WDR25: variants seen among roughly 807,000 people sequenced by gnomAD.
WDR25 encodes WD repeat-containing protein 25.
WDR25 carries 35 observed loss-of-function variants against 47.7 expected under a neutral mutation model. That is an observed-to-expected ratio of 0.73 (90% CI 0.56 to 0.97). The LOEUF (loss-of-function observed/expected upper bound fraction) is 0.97. Ranked by LOEUF, WDR25 falls within the 50% of genes least tolerant of loss-of-function variation. The pLI, the probability that WDR25 is intolerant of heterozygous loss-of-function variation, is 0.00. For synonymous variants in WDR25, 248 were observed against 278.9 expected (o/e 0.89, Z 1.10); for missense variants, 634 against 704.7 (o/e 0.90, Z 1.14).
At chr14:100,406,528 T>C (rs2140181148) in intron 2 of WDR25, 1 of 152,376 alleles carries the variant, frequency 6.6e-6, no homozygotes, top group South Asian at 2.1e-4. Context: ...GGGAATGCCC[T>C]TATGGCAGCA....
In WDR25 at chr14:100,506,981, C is replaced by A. The variant is rs1055835373; in HGVS notation, c.1102-18889C>A. Reference sequence around the variant, plus strand: ...GCTTTTGAGGACTTAGCAATAAATTCTTTCCTAAGGCTGATGTCCAAAATG... The same window carrying A: ...GCTTTTGAGGACTTAGCAATAAATTATTTCCTAAGGCTGATGTCCAAAATG... On this transcript the variant is annotated intron_variant, in intron 4 of 6. Transcript: ENST00000402312. The surrounding 1 kb of genome is among the most constrained non-coding windows in gnomAD (Gnocchi z 4.8). Among the ~76,000 whole-genome samples the A allele has an allele frequency of 1.1e-4, 17 of 152,084 alleles. No individual in the cohort carries two copies. Among genetic ancestry groups the A allele is most frequent in the African/African-American group, 4.1e-4 (17 of 41,428 alleles).
In WDR25 at chr14:100,471,483, G is replaced by A. The variant is rs552415523; in HGVS notation, c.970+3315G>A. On this transcript the variant is annotated intron_variant, in intron 3 of 6. Coordinates refer to ENST00000402312, the MANE Select transcript of WDR25 (RefSeq NM_001161476.3). ...GGGCTCTGCAGGCCCTGTGGCTTTC[G>A]TCCCGCTTTGACTTGTCTTGTCCTT... Among the ~76,000 whole-genome samples, 10 of 152,298 alleles carry A rather than the reference G, an allele frequency of 6.6e-5. No individual in the cohort carries two copies. The East Asian group carries it at 1.2e-3, about 18-fold the overall frequency.
Position 100,449,682 on chromosome 14 carries a change from A to G in WDR25, c.823-18339A>G, listed in dbSNP as rs899934007. Among the ~76,000 whole-genome samples the G allele has an allele frequency of 1.3e-5, 2 of 152,210 alleles. No homozygotes were observed. Among genetic ancestry groups the G allele is most frequent in the Non-Finnish European group, 2.9e-5 (2 of 68,024 alleles). ...CCCCCACTCAGTAACTGCTGAGAGC[A>G]TCCCTGAGTCCCTGCACGTGCATGA... is the stretch of plus-strand genomic sequence containing the variant. On this transcript the variant is annotated intron_variant, in intron 2 of 6. Transcript: ENST00000402312. This position sits in a 1 kb window ranked among gnomAD's most constrained non-coding sequence, Gnocchi z 4.2.
At chr14:100,460,115 T>G (rs1049891313) in intron 2 of WDR25, among the ~76,000 whole-genome samples, 4 of 145,356 alleles carry the variant, frequency 2.8e-5, no homozygotes, top group Non-Finnish European at 4.6e-5. Context: ...ATACAAAATT[T>G]TTTTTTTTTT....
At chr14:100,427,624 G>A (rs1002588853) in intron 2 of WDR25, among the ~76,000 whole-genome samples, 2 of 152,190 alleles carry the variant, frequency 1.3e-5, no homozygotes, top group African/African-American at 4.8e-5. Context: ...GATGTGCTGT[G>A]GGGTCCCGTC....
At chr14:100,401,697 CAT>C (rs776422717) in intron 2 of WDR25, among the ~76,000 whole-genome samples, 1 of 152,188 alleles carries the variant, frequency 6.6e-6, no homozygotes, top group Non-Finnish European at 1.5e-5. Context: ...GGAAGAAAAA[CAT>C]ATTCATACAG....
intron 4 of WDR25, among the ~76,000 whole-genome samples, chr14:100,497,993 T>C (rs1052526640): frequency 3.3e-5 from 5 of 152,252 alleles, no homozygotes; most frequent in African/African-American, 9.6e-5. Context: ...GTTCATTCAC[T>C]GTTTCTTGAA....
chr14:100,391,037 C>A (rs1439125233), intron 2 of WDR25, among the ~76,000 whole-genome samples: 3 of 152,172 alleles, frequency 2.0e-5, no homozygotes, highest in Non-Finnish European at 2.9e-5. Flanking sequence ...TACGTACTTA[C>A]AATATTGACC....
Position 100,529,375 on chromosome 14 carries a change from GA to G in WDR25, c.1413+169del. ...TGGCTCACTGTCTCTTCAAGTCCCT[GA>G]ACCACATCTGGTCCTCACCCCAGGC... is the stretch of plus-strand genomic sequence containing the variant. On this transcript the variant is annotated intron_variant, in intron 6 of 6. Coordinates refer to ENST00000402312, the MANE Select transcript of WDR25 (RefSeq NM_001161476.3). The surrounding 1 kb of genome is among the most constrained non-coding windows in gnomAD (Gnocchi z 5.1). 9.5e-7 allele frequency: 1 copy of G among 1,056,088 alleles called. No individual in the cohort carries two copies. The highest frequency in any genetic ancestry group is 1.4e-6 in the Non-Finnish European group (1 of 737,890). The allele number at this position is 1,056,088 out of a possible 1,614,324, so 65.4% of individuals were successfully genotyped here.
intron 4 of WDR25, among the ~76,000 whole-genome samples, chr14:100,513,309 A>G (rs966322661): frequency 2.0e-5 from 3 of 152,186 alleles, no homozygotes; most frequent in African/African-American, 7.2e-5. Context: ...ATGCCTTTAT[A>G]AAAGGGCTGG....
In WDR25 at chr14:100,510,064, A is replaced by C. The variant is rs564406119; in HGVS notation, c.1102-15806A>C. ...GGTGGGTGGATCACTTGAGGTCAGG[A>C]GGTCGAGACCAGCCTGGCCAACATG... On this transcript the variant is annotated intron_variant, in intron 4 of 6. Transcript: ENST00000402312. Among the ~76,000 whole-genome samples the C allele has an allele frequency of 1.3e-4, 20 of 151,940 alleles. No homozygotes were observed. The East Asian group carries it at 3.9e-3, about 30-fold the overall frequency.
At chr14:100,391,989 T>G (rs1897156692) in intron 2 of WDR25, among the ~76,000 whole-genome samples, 1 of 152,232 alleles carries the variant, frequency 6.6e-6, no homozygotes, top group Admixed American at 6.5e-5. Flanking sequence ...CAGACATTAA[T>G]GAGATCTGCA....
At chr14:100,381,974 T>C (rs1191888070) in intron 2 of WDR25, 3 of 667,884 alleles carry the variant, frequency 4.5e-6, no homozygotes, top group Non-Finnish European at 8.1e-6. Context: ...CAGAGGATAC[T>C]GTTTCTTATC....
At chr14:100,464,749 TC>T (rs1899554393) in intron 2 of WDR25, among the ~76,000 whole-genome samples, 3 of 10,414 alleles carry the variant, frequency 2.9e-4, no homozygotes, top group African/African-American at 8.9e-4. Context: ...TCATCTCATC[TC>T]ATCTCATCTC....
intron 1 of WDR25, among the ~76,000 whole-genome samples, chr14:100,377,989 T>G (rs1896762695): frequency 1.3e-5 from 2 of 152,026 alleles, no homozygotes. Context: ...GTCGGTCTAT[T>G]GCCTGAGCGT....
intron 4 of WDR25, among the ~76,000 whole-genome samples, chr14:100,489,930 A>G (rs139323043): frequency 2.0e-5 from 3 of 152,334 alleles, no homozygotes; most frequent in Admixed American, 2.0e-4. Context: ...CTGGTGTCAC[A>G]TTGACACTAA....
At chr14:100,526,165 T>G in intron 5 of WDR25, 125 bp downstream of exon 5, 1 of 1,237,950 alleles carries the variant, frequency 8.1e-7, no homozygotes, top group Non-Finnish European at 1.1e-6. Context: ...ATCTCCAGGA[T>G]GAGGGTAGTC....
At chr14:100,403,224 T>C (rs1191997324) in intron 2 of WDR25, among the ~76,000 whole-genome samples, 1 of 152,250 alleles carries the variant, frequency 6.6e-6, no homozygotes, top group South Asian at 2.1e-4. Context: ...CGTGCTCCCA[T>C]GCTCTGGATC....
intron 2 of WDR25, among the ~76,000 whole-genome samples, chr14:100,448,806 A>G (rs985184407): frequency 6.6e-6 from 1 of 152,134 alleles, no homozygotes; most frequent in Non-Finnish European, 1.5e-5. Flanking sequence ...ATGGAGACCT[A>G]TGGGAACATC....
Sources: allele counts gnomAD v4.1 joint callset (sites outside exome capture counted in the v4.1 genomes callset), GRCh38; gene constraint gnomAD v4.1.1; non-coding constraint Gnocchi (gnomAD v3.1); transcripts MANE v1.5; gene names NCBI Gene and HGNC (gene_info 2026-07-23, HGNC 2026-07-21).